The following SEMA4B variants were observed in gnomAD, a reference collection of about 807,000 sequenced individuals.
The protein encoded by SEMA4B is semaphorin-4B.
Under a neutral mutation model 88.1 loss-of-function variants are expected in SEMA4B, and 55 were observed. That is an observed-to-expected ratio of 0.62 (90% confidence interval 0.50 to 0.78). SEMA4B has a LOEUF of 0.78. Ranked by LOEUF, SEMA4B falls within the 30% of genes least tolerant of loss-of-function variation. The probability of loss-of-function intolerance (pLI) is 0.00; values close to 1 mark genes in which losing one functional copy is unlikely to be tolerated. For missense variants in SEMA4B, 1,062 were observed against 1,111.9 expected (o/e 0.96, Z 0.64); for synonymous variants, 525 against 473.6 (o/e 1.11, Z -1.41).
Position 90,227,655 on chromosome 15 carries a change from C to A in SEMA4B, c.1774+13C>A. 6.2e-7 allele frequency: 1 copy of A among 1,613,522 alleles called. No individual in the cohort carries two copies. The highest frequency in any genetic ancestry group is 1.1e-5 in the South Asian group (1 of 91,062). Reference sequence around the variant, plus strand: ...TTTGTACCAACAGGTGAGGTGCCCCCTCAAAAGGTGGAGGAGAGAGGTGGG... The same window carrying A: ...TTTGTACCAACAGGTGAGGTGCCCCATCAAAAGGTGGAGGAGAGAGGTGGG... On this transcript the variant is annotated intron_variant, in intron 13 of 13. Coordinates refer to ENST00000411539, the MANE Select transcript of SEMA4B (RefSeq NM_198925.4).
chr15:90,190,002 A>G (rs750127371), intron 1 of SEMA4B, among the ~76,000 whole-genome samples: 1 of 152,184 alleles, frequency 6.6e-6, no homozygotes, highest in African/African-American at 2.4e-5. Flanking sequence ...GGCTAGAGAT[A>G]AGCACATGTG....
At chr15:90,191,009 C>T (rs951121372) in intron 1 of SEMA4B, among the ~76,000 whole-genome samples, 4 of 152,200 alleles carry the variant, frequency 2.6e-5, no homozygotes, top group Non-Finnish European at 5.9e-5. Flanking sequence ...CCTGGACAGG[C>T]GAGTGGGTGC....
At chr15:90,214,633 C>CAAAAAA (rs766089827) in intron 1 of SEMA4B, among the ~76,000 whole-genome samples, 4 of 94,270 alleles carry the variant, frequency 4.2e-5, no homozygotes, top group Admixed American at 1.2e-4. Flanking sequence ...AACACCATCT[C>CAAAAAA]AAAAAAAAAA....
At position 90,228,148 on chromosome 15, in the gene SEMA4B, G is replaced by A. The variant is rs946893553; in HGVS notation, c.2019G>A (p.Glu673=). The A allele has an allele frequency of 1.2e-6, 2 of 1,611,428 alleles. No homozygotes were observed. Among genetic ancestry groups the A allele is most frequent in the Non-Finnish European group, 1.7e-6 (2 of 1,178,808 alleles). Reference sequence around the variant, plus strand: ...AGCTGGTAGCCAGCTACTGCCCAGAGGTGGTGGAGGACGGGGTGGCAGACC... The same window carrying A: ...AGCTGGTAGCCAGCTACTGCCCAGAAGTGGTGGAGGACGGGGTGGCAGACC... ...FQQLVASYCP[E]VVEDGVADQT... is the part of the protein sequence containing the mutation. The change falls in exon 14 of 14, where the codon GAG becomes GAA. Residue 673 remains glutamate (E), a synonymous_variant. Coordinates refer to ENST00000411539, the MANE Select transcript of SEMA4B (RefSeq NM_198925.4).
upstream of SEMA4B, chr15:90,184,958 C>T (rs892016255): frequency 4.1e-6 from 4 of 985,780 alleles, no homozygotes; most frequent in African/African-American, 3.5e-5. Context: ...GCTGTGCGCC[C>T]GAGACTCCGG....
chr15:90,221,255 C>T lies in SEMA4B; in HGVS notation c.596-112C>T, dbSNP rs545763617. On this transcript the variant is annotated intron_variant, in intron 5 of 13. Coordinates refer to ENST00000411539, the MANE Select transcript of SEMA4B (RefSeq NM_198925.4). ...TTTGGTTTTTCCAAGTTCCAGCTTC[C>T]TTCTCTGCCCACCACAGGCAAAACG... 4.3e-5 allele frequency: 50 copies of T among 1,170,244 alleles called. No individual in the cohort carries two copies. In the South Asian group the frequency reaches 6.2e-4, roughly 14 times the overall value. 72.5% of individuals were successfully genotyped at this position (1,170,244 alleles called of 1,614,324 possible).
chr15:90,185,487 C>T (rs1168637661), intron 1 of SEMA4B, among the ~76,000 whole-genome samples: 3 of 152,242 alleles, frequency 2.0e-5, no homozygotes, highest in African/African-American at 7.2e-5. Context: ...TCTCACTGAG[C>T]ACCAAGGTGC....
chr15:90,203,747 C>T (rs999974643), intron 1 of SEMA4B, among the ~76,000 whole-genome samples: 2 of 152,128 alleles, frequency 1.3e-5, no homozygotes, highest in Non-Finnish European at 2.9e-5. Flanking sequence ...TTGAGAGGAC[C>T]TGAAATGCAG....
upstream of SEMA4B, chr15:90,184,934 C>CGCGCCGGACTGAGGCTGT: frequency 1.0e-6 from 1 of 985,980 alleles, no homozygotes; most frequent in Non-Finnish European, 1.2e-6. Flanking sequence ...CCGGGGACGC[C>CGCGCCGGACTGAGGCTGT]GCGCCGGACT....
At chr15:90,190,571 T>C (rs570863367) in intron 1 of SEMA4B, 1 of 152,274 alleles carries the variant, frequency 6.6e-6, no homozygotes, top group South Asian at 2.1e-4. Context: ...GGAAGGAAGG[T>C]TGGTTTCCTG....
chr15:90,220,047 C>T, intron 4 of SEMA4B, 156 bp downstream of exon 4: 1 of 582,054 alleles, frequency 1.7e-6, no homozygotes, highest in Non-Finnish European at 3.0e-6. Flanking sequence ...AGGTCCCACA[C>T]CCTGGCACAA....
chr15:90,223,739 T>G lies in SEMA4B; in HGVS notation c.1042T>G (p.Trp348Gly). 2 of 1,604,534 alleles carry G rather than the reference T, an allele frequency of 1.2e-6. No homozygotes were observed. The highest frequency in any genetic ancestry group is 1.7e-6 in the Non-Finnish European group (2 of 1,172,790). ...TTTCTATGGGGTCTTCACTTCCCAG[T>G]GGTAGGGCCTCCAGACCTCGCTGGA... ...TLFYGVFTSQ[W>G]HRGTTEGSAV... The change falls in exon 8 of 14, where the codon TGG becomes GGG. Residue 348 changes from tryptophan to glycine, a missense_variant and splice_region_variant. By Grantham distance (184) the Trp-to-Gly change is radical. Coordinates refer to ENST00000411539, the MANE Select transcript of SEMA4B (RefSeq NM_198925.4).
rs190172259 is a variant in SEMA4B, at chr15:90,225,664, C to A, written c.1525C>A (p.Leu509Met). ...QNLLLDTHRGLLYAASHSGVV... is the reference protein window; with the variant it reads ...QNLLLDTHRGMLYAASHSGVV... ...ATCCCCGTGTCTGGCTGTGCAGGGGCTGCTGTATGCGGCCTCACACTCGGG... is the reference window on the plus strand; with the variant it reads ...ATCCCCGTGTCTGGCTGTGCAGGGGATGCTGTATGCGGCCTCACACTCGGG... The change falls in exon 12 of 14, where the codon CTG becomes ATG. Residue 509 changes from leucine (L) to methionine (M), a missense_variant. By Grantham distance (15) the Leu-to-Met change is conservative. Transcript: ENST00000411539. 1,117 of 1,563,376 alleles carry A rather than the reference C, an allele frequency of 7.1e-4. 1 individual carries two copies. The highest frequency in any genetic ancestry group is 9.3e-4 in the Non-Finnish European group (1,073 of 1,155,070).
intron 1 of SEMA4B, among the ~76,000 whole-genome samples, chr15:90,190,046 C>T (rs1960299426): frequency 6.6e-6 from 1 of 152,228 alleles, no homozygotes; most frequent in South Asian, 2.1e-4. Flanking sequence ...AGCCCACTCT[C>T]CTGCTAGGGC....
In SEMA4B at chr15:90,229,181, A is replaced by G. The variant is rs144096173; in HGVS notation, c.*538A>G. 5.1e-6 allele frequency: 2 copies of G among 395,456 alleles called. No individual in the cohort carries two copies. Among genetic ancestry groups the G allele is most frequent in the African/African-American group, 4.2e-5 (2 of 48,178 alleles). The allele number at this position is 395,456 out of a possible 1,614,324, so 24.5% of individuals were successfully genotyped here. A position where few individuals can be genotyped will look rare whatever the true frequency, so the allele number is the denominator to read the frequency against. ...GTTCTGCCTTGCCAGTCAGCCGAGG[A>G]TGTAGTTGTTGCTGCCGTCGTCCCA... On this transcript the variant is annotated 3_prime_UTR_variant, in exon 14 of 14. Transcript: ENST00000411539.
At chr15:90,192,731 C>T (rs1960381363) in intron 1 of SEMA4B, among the ~76,000 whole-genome samples, 1 of 151,900 alleles carries the variant, frequency 6.6e-6, no homozygotes, top group Non-Finnish European at 1.5e-5. Flanking sequence ...GCAGGGATTA[C>T]AGCCTCACGC....
At chr15:90,188,992 C>A (rs1415315004) in intron 1 of SEMA4B, among the ~76,000 whole-genome samples, 1 of 152,122 alleles carries the variant, frequency 6.6e-6, no homozygotes, top group Non-Finnish European at 1.5e-5. Context: ...TCTGAAAGAA[C>A]AGTTTAAAGG....
chr15:90,213,582 C>T (rs1567053097), intron 1 of SEMA4B, among the ~76,000 whole-genome samples: 1 of 152,240 alleles, frequency 6.6e-6, no homozygotes, highest in African/African-American at 2.4e-5. Flanking sequence ...AGGTTTCCAC[C>T]CCTTCTCCCA....
chr15:90,221,440 T>C lies in SEMA4B; in HGVS notation c.669T>C (p.Leu223=). Residue 223 remains leucine, a synonymous_variant, in exon 6 of 14, where the codon CTT becomes CTC. Transcript: ENST00000411539. ...NDPAISRSQS[L]RPTKTESSLN... ...CGGCCATCTCGCGGAGCCAAAGCCT[T>C]CGCCCCACCAAGACCGAGAGCTCCC... 1 of 1,588,468 alleles carries C rather than the reference T, an allele frequency of 6.3e-7. No individual in the cohort carries two copies. The highest frequency in any genetic ancestry group is 8.6e-7 in the Non-Finnish European group (1 of 1,167,990).
Sources: allele counts gnomAD v4.1 joint callset (sites outside exome capture counted in the v4.1 genomes callset), GRCh38; gene constraint gnomAD v4.1.1; transcripts MANE v1.5; gene names NCBI Gene and HGNC (gene_info 2026-07-23, HGNC 2026-07-21).